Variants in SORCS2 observed in about 807,000 individuals in gnomAD.
SORCS2 encodes sortilin related VPS10 domain containing receptor 2.
SORCS2 carries 100 observed loss-of-function variants against 141.6 expected under a neutral mutation model. The observed-to-expected ratio is 0.71, with a 90% CI of 0.60 to 0.83. The LOEUF (loss-of-function observed/expected upper bound fraction) is 0.83, where lower values mean the gene tolerates loss of function less well. Ranked by LOEUF, SORCS2 falls within the 40% of genes least tolerant of loss-of-function variation. The probability of loss-of-function intolerance (pLI) is 0.00; values close to 1 mark genes in which losing one functional copy is unlikely to be tolerated. For synonymous variants in SORCS2, 789 were observed against 676.9 expected, an observed-to-expected ratio of 1.17 and a Z score of -2.57; for missense variants, 1,646 against 1,560.2, an observed-to-expected ratio of 1.05 and a Z score of -0.93.
chr4:7,642,433 G>C (rs1385240426), intron 4 of SORCS2, among the ~76,000 whole-genome samples: 2 of 152,164 alleles, frequency 1.3e-5, no homozygotes, highest in African/African-American at 4.8e-5. Context: ...TATTTGCTTT[G>C]GTTCTTTTCT....
chr4:7,519,402 C>G (rs190463308), intron 2 of SORCS2, among the ~76,000 whole-genome samples: 3 of 152,328 alleles, frequency 2.0e-5, no homozygotes, highest in African/African-American at 7.2e-5. Flanking sequence ...TAGTTTGGAA[C>G]TCAAGTCAAA....
At chr4:7,405,860 A>G (rs1352631160) in intron 2 of SORCS2, among the ~76,000 whole-genome samples, 3 of 152,116 alleles carry the variant, frequency 2.0e-5, no homozygotes, top group Non-Finnish European at 4.4e-5. Flanking sequence ...TGTGGCCAAG[A>G]CTTCCAGTAC....
chr4:7,379,325 C>T (rs1281738542), intron 1 of SORCS2, among the ~76,000 whole-genome samples: 1 of 152,154 alleles, frequency 6.6e-6, no homozygotes. Context: ...TGGGCATCTG[C>T]AGGGCTGCCT....
chr4:7,258,581 A>G (rs897557538), intron 1 of SORCS2, among the ~76,000 whole-genome samples: 2 of 152,186 alleles, frequency 1.3e-5, no homozygotes, highest in Non-Finnish European at 2.9e-5. Flanking sequence ...AGTCTTTGCT[A>G]TTGTGAACAG....
chr4:7,422,054 C>G (rs1362025656), intron 2 of SORCS2, among the ~76,000 whole-genome samples: 1 of 152,178 alleles, frequency 6.6e-6, no homozygotes, highest in Non-Finnish European at 1.5e-5. Flanking sequence ...GTCGGTGCCC[C>G]CTTTGCTACT....
At chr4:7,380,593 G>A (rs1011913414) in intron 1 of SORCS2, among the ~76,000 whole-genome samples, 11 of 152,240 alleles carry the variant, frequency 7.2e-5, no homozygotes, top group Admixed American at 2.0e-4. Context: ...TGTGGTTTCC[G>A]TCATCCTCTG....
chr4:7,561,455 T>C lies in SORCS2; in HGVS notation c.648+29826T>C, dbSNP rs1577752220. ...ATCTACCTATTCATCCACCTACCAA[T>C]CCATCTATCCATTCATCCATCTACC... On this transcript the variant is annotated intron_variant, in intron 3 of 26. Coordinates refer to ENST00000507866, the MANE Select transcript of SORCS2 (RefSeq NM_020777.3). Among the ~76,000 whole-genome samples the C allele has an allele frequency of 2.3e-5, 3 of 132,694 alleles. No homozygotes were observed. In the East Asian group the frequency reaches 5.9e-4, roughly 26 times the overall value. 87.1% of individuals were successfully genotyped at this position (132,694 alleles called of 152,430 possible). A position where few individuals can be genotyped will look rare whatever the true frequency, so the allele number is the denominator to read the frequency against.
intron 2 of SORCS2, among the ~76,000 whole-genome samples, chr4:7,452,448 G>T (rs979697398): frequency 1.3e-5 from 2 of 152,178 alleles, no homozygotes; most frequent in East Asian, 1.9e-4. Context: ...GGCCTGGAAG[G>T]TTCTTCTGTT....
chr4:7,724,901 GTGA>G (rs1727069076), intron 19 of SORCS2, among the ~76,000 whole-genome samples: 2 of 76,872 alleles, frequency 2.6e-5, no homozygotes, highest in African/African-American at 1.0e-4. Flanking sequence ...GGTGATGGTG[GTGA>G]TAGTATTGGT....
intron 12 of SORCS2, among the ~76,000 whole-genome samples, chr4:7,698,262 C>T (rs1256943862): frequency 1.3e-5 from 2 of 152,186 alleles, no homozygotes; most frequent in Admixed American, 6.5e-5. Flanking sequence ...CCAGACAAGA[C>T]GTTCTGTTTG....
intron 2 of SORCS2, 120 bp from the exon 3 acceptor site, chr4:7,531,410 C>T (rs1577705316): frequency 3.5e-5 from 30 of 848,916 alleles, no homozygotes; most frequent in Non-Finnish European, 5.5e-5. Flanking sequence ...CAGGACTGTA[C>T]TCAGGGTGTC....
chr4:7,273,687 G>C (rs939302770), intron 1 of SORCS2, among the ~76,000 whole-genome samples: 1 of 152,252 alleles, frequency 6.6e-6, no homozygotes, highest in Non-Finnish European at 1.5e-5. Flanking sequence ...GCAGGAGACA[G>C]CATCCTGAAG....
chr4:7,276,689 C>T (rs1460489760), intron 1 of SORCS2, among the ~76,000 whole-genome samples: 1 of 152,184 alleles, frequency 6.6e-6, no homozygotes, highest in African/African-American at 2.4e-5. Flanking sequence ...TCCAGCCCTT[C>T]CGGACTTCCA....
At chr4:7,222,727 C>T (rs527880104) in intron 1 of SORCS2, among the ~76,000 whole-genome samples, 4 of 151,988 alleles carry the variant, frequency 2.6e-5, no homozygotes, top group East Asian at 1.9e-4. Flanking sequence ...CAGGAGAGAG[C>T]GGGAGGATCT....
Position 7,334,094 on chromosome 4 carries a change from C to T in SORCS2, c.481-62194C>T, listed in dbSNP as rs188411253. Among the ~76,000 whole-genome samples, 577 of 152,320 alleles carry T rather than the reference C, an allele frequency of 3.8e-3. 1 individual carries two copies. The highest frequency in any genetic ancestry group is 0.013 in the African/African-American group (552 of 41,576). On this transcript the variant is annotated intron_variant, in intron 1 of 26. Transcript: ENST00000507866. ...ACCAAGCTCCTCCCCACCTTAGTCC[C>T]CCGGCCCCTCACCCTCCTCTCAAGA...
chr4:7,724,935 G>GGA (rs1727085329), intron 19 of SORCS2, among the ~76,000 whole-genome samples: 5 of 59,442 alleles, frequency 8.4e-5, no homozygotes, highest in African/African-American at 1.7e-4. Context: ...GGTGGTAGTA[G>GGA]TGGTGATGGT....
intron 1 of SORCS2, among the ~76,000 whole-genome samples, chr4:7,271,829 G>C (rs1051549203): frequency 3.2e-4 from 49 of 152,376 alleles, no homozygotes; most frequent in African/African-American, 1.1e-3. Context: ...CGAGACAGCA[G>C]AGAGAGTGGG....
chr4:7,387,713 C>T (rs538296990), intron 1 of SORCS2, among the ~76,000 whole-genome samples: 2 of 142,876 alleles, frequency 1.4e-5, no homozygotes, highest in Non-Finnish European at 3.1e-5. Flanking sequence ...CATGCACACA[C>T]ATGCACACAC....
At chr4:7,660,832 C>T (rs991540326) in intron 5 of SORCS2, among the ~76,000 whole-genome samples, 6 of 152,144 alleles carry the variant, frequency 3.9e-5, no homozygotes, top group Non-Finnish European at 8.8e-5. Flanking sequence ...CTGGAGCCTT[C>T]GCCACCTCAC....
Sources: allele counts gnomAD v4.1 joint callset (sites outside exome capture counted in the v4.1 genomes callset), GRCh38; gene constraint gnomAD v4.1.1; transcripts MANE v1.5; gene names NCBI Gene and HGNC (gene_info 2026-07-23, HGNC 2026-07-21).